KCNJ6: variants seen among roughly 807,000 people sequenced by gnomAD.
The protein encoded by KCNJ6 is G protein-activated inward rectifier potassium channel 2.
In KCNJ6, 9 loss-of-function variants were observed where a neutral mutation model predicts 34.2. That is an observed-to-expected ratio of 0.26 (90% CI 0.16 to 0.46). KCNJ6 has a LOEUF of 0.46. Among genes scored for constraint, KCNJ6 ranks in the 20% least tolerant of loss-of-function variants. KCNJ6 has a pLI of 1.00. For synonymous variants in KCNJ6, 196 were observed against 207.1 expected (o/e 0.95, Z 0.46); for missense variants, 236 against 531.3 (o/e 0.44, Z 5.46).
At chr21:37,785,933 G>T (rs2055190663) in intron 2 of KCNJ6, among the ~76,000 whole-genome samples, 1 of 152,246 alleles carries the variant, frequency 6.6e-6, no homozygotes, top group African/African-American at 2.4e-5. Context: ...CTATCTCTGA[G>T]TAAGAGAGGT....
At chr21:37,876,541 C>G (rs1214363208) in intron 1 of KCNJ6, among the ~76,000 whole-genome samples, 1 of 151,978 alleles carries the variant, frequency 6.6e-6, no homozygotes, top group Non-Finnish European at 1.5e-5. Context: ...ATTAAAATCA[C>G]CCAAAATAAT....
chr21:37,803,780 C>T (rs560948525), intron 2 of KCNJ6, among the ~76,000 whole-genome samples: 6 of 152,306 alleles, frequency 3.9e-5, no homozygotes, highest in African/African-American at 1.4e-4. Context: ...ACACTATCTT[C>T]CCTACGTCTG....
intron 3 of KCNJ6, among the ~76,000 whole-genome samples, chr21:37,703,372 G>T (rs888516554): frequency 6.6e-6 from 1 of 152,246 alleles, no homozygotes; most frequent in Non-Finnish European, 1.5e-5. Flanking sequence ...GCCCAGGTAT[G>T]TGGTGGAAAT....
In KCNJ6 at chr21:37,609,221, G is replaced by C. The variant is rs74415276; in HGVS notation, c.*15938C>G. ...CTGACATGCACCCTAATGACCCTCAGCTTGGGGACCCAATTCTGACACCTG... is the reference window on the plus strand; with the variant it reads ...CTGACATGCACCCTAATGACCCTCACCTTGGGGACCCAATTCTGACACCTG... On this transcript the variant is annotated 3_prime_UTR_variant, in exon 4 of 4. Transcript: ENST00000609713. 6.6e-6 allele frequency: 1 copy of C among 152,142 alleles called. No homozygotes were observed. The highest frequency in any genetic ancestry group is 1.5e-5 in the Non-Finnish European group (1 of 68,034). 9.4% of individuals were successfully genotyped at this position (152,142 alleles called of 1,614,324 possible).
At chr21:37,642,665 A>G (rs1601399908) in intron 3 of KCNJ6, among the ~76,000 whole-genome samples, 1 of 151,970 alleles carries the variant, frequency 6.6e-6, no homozygotes, top group Non-Finnish European at 1.5e-5. Context: ...GAAAGCCGTG[A>G]GCATCCGACC....
chr21:37,782,110 G>A (rs2055172166), intron 2 of KCNJ6, among the ~76,000 whole-genome samples: 2 of 152,116 alleles, frequency 1.3e-5, no homozygotes, highest in Non-Finnish European at 2.9e-5. Context: ...AGAGAGAGAC[G>A]GATGGGGTGG....
At chr21:37,807,805 G>A (rs2835972) in intron 2 of KCNJ6, among the ~76,000 whole-genome samples, 67,714 of 152,022 alleles carry the variant, frequency 0.45, 16,461 homozygotes, top group Middle Eastern at 0.53. Context: ...GCTTTGCTCC[G>A]CAGGCCCAGA....
chr21:37,791,401 A>C (rs1204173080), intron 2 of KCNJ6, among the ~76,000 whole-genome samples: 1 of 152,180 alleles, frequency 6.6e-6, no homozygotes, highest in African/African-American at 2.4e-5. Context: ...TGGTCCATGC[A>C]GGGGTGACCT....
At chr21:37,884,220 G>A (rs368229742) in intron 1 of KCNJ6, among the ~76,000 whole-genome samples, 210 of 152,222 alleles carry the variant, frequency 1.4e-3, no homozygotes, top group African/African-American at 4.4e-3. Context: ...ATGCATTTCC[G>A]CACCTCACAT....
chr21:37,665,929 G>A (rs1236314429), intron 3 of KCNJ6, among the ~76,000 whole-genome samples: 2 of 152,202 alleles, frequency 1.3e-5, no homozygotes, highest in South Asian at 4.1e-4. Flanking sequence ...TGGGGGCAGA[G>A]AGTGGCCTCT....
chr21:37,722,299 A>G (rs534134593), intron 2 of KCNJ6, among the ~76,000 whole-genome samples: 3 of 152,248 alleles, frequency 2.0e-5, no homozygotes, highest in Non-Finnish European at 1.5e-5. Context: ...CAGAGATGAC[A>G]CAAATGGAAA....
intron 3 of KCNJ6, among the ~76,000 whole-genome samples, chr21:37,638,740 C>T (rs1460320655): frequency 3.9e-5 from 6 of 152,294 alleles, no homozygotes; most frequent in Non-Finnish European, 7.4e-5. Context: ...TTGCAGACAC[C>T]AGGCAACCTT....
At chr21:37,795,734 C>CA (rs751299050) in intron 2 of KCNJ6, among the ~76,000 whole-genome samples, 2,925 of 62,566 alleles carry the variant, frequency 0.047, 45 homozygotes, top group African/African-American at 0.087. Flanking sequence ...AACTCCGTCT[C>CA]AAAAAAAAAA....
At chr21:37,825,808 G>A (rs2055396329) in intron 2 of KCNJ6, among the ~76,000 whole-genome samples, 1 of 152,182 alleles carries the variant, frequency 6.6e-6, no homozygotes, top group Non-Finnish European at 1.5e-5. Flanking sequence ...CTACATTGAG[G>A]CAGGGAGAAT....
chr21:37,751,486 C>T (rs1273726022), intron 2 of KCNJ6, among the ~76,000 whole-genome samples: 7 of 152,192 alleles, frequency 4.6e-5, no homozygotes, highest in South Asian at 4.1e-4. Context: ...TACGTAAGAG[C>T]ACCCTGGGAA....
Position 37,695,208 on chromosome 21 carries a change from A to C in KCNJ6, c.946+19003T>G, listed in dbSNP as rs1163626769. 6.6e-6 allele frequency among the ~76,000 whole-genome samples: 1 copy of C among 152,226 alleles called. No individual in the cohort carries two copies. The highest frequency in any genetic ancestry group is 1.9e-4 in the East Asian group (1 of 5,198). Reference sequence around the variant, plus strand: ...CTGCATGCCCAATAAATTTGATTCCAGGCATTGTTGCAACCACAAGGGAGA... The same window carrying C: ...CTGCATGCCCAATAAATTTGATTCCCGGCATTGTTGCAACCACAAGGGAGA... On this transcript the variant is annotated intron_variant, in intron 3 of 3. Coordinates refer to ENST00000609713, the MANE Select transcript of KCNJ6 (RefSeq NM_002240.5). This position sits in a 1 kb window ranked among gnomAD's most constrained non-coding sequence, Gnocchi z 4.2.
At chr21:37,638,300 C>T (rs149060054) in intron 3 of KCNJ6, among the ~76,000 whole-genome samples, 166 of 152,260 alleles carry the variant, frequency 1.1e-3, no homozygotes, top group African/African-American at 3.8e-3. Flanking sequence ...GCGTGTACCA[C>T]CATGCCCTGC....
At chr21:37,635,899 A>G (rs1285299306) in intron 3 of KCNJ6, among the ~76,000 whole-genome samples, 1 of 152,258 alleles carries the variant, frequency 6.6e-6, no homozygotes, top group Admixed American at 6.5e-5. Flanking sequence ...ATATTAAAAA[A>G]TCACCTAATT....
chr21:37,655,366 T>G (rs994437537), intron 3 of KCNJ6, among the ~76,000 whole-genome samples: 2 of 152,024 alleles, frequency 1.3e-5, no homozygotes, highest in African/African-American at 2.4e-5. Context: ...CCAGATTACT[T>G]TTGGAGTAAT....
Sources: allele counts gnomAD v4.1 joint callset (sites outside exome capture counted in the v4.1 genomes callset), GRCh38; gene constraint gnomAD v4.1.1; non-coding constraint Gnocchi (gnomAD v3.1); transcripts MANE v1.5; gene names NCBI Gene and HGNC (gene_info 2026-07-23, HGNC 2026-07-21).